OR1J2: variants seen among roughly 807,000 people sequenced by gnomAD.
OR1J2 encodes the protein olfactory receptor family 1 subfamily J member 2, also known as olfactory receptor 1J2.
For synonymous variants in OR1J2, 142 were observed against 99.7 expected, an observed-to-expected ratio of 1.42 and a Z score of -2.52; for missense variants, 304 against 246.1, an observed-to-expected ratio of 1.24 and a Z score of -1.57.
the OR1J2 span, among the ~76,000 whole-genome samples, chr9:122,529,495 A>C: frequency 6.6e-6 from 1 of 152,314 alleles, no homozygotes; most frequent in South Asian, 2.1e-4. Flanking sequence ...CCAACTGCTT[A>C]ACATCAGAAA....
At chr9:122,499,059 C>T in the OR1J2 span, among the ~76,000 whole-genome samples, 1 of 152,260 alleles carries the variant, frequency 6.6e-6, no homozygotes, top group Non-Finnish European at 1.5e-5. Flanking sequence ...GAAGCTCCCT[C>T]TTGCCTCAGG....
the OR1J2 span, among the ~76,000 whole-genome samples, chr9:122,528,921 G>T: frequency 1.3e-5 from 2 of 152,114 alleles, no homozygotes; most frequent in African/African-American, 2.4e-5. Context: ...TTCATTTTTA[G>T]AATTCTTTGT....
chr9:122,532,732 A>G, the OR1J2 span, among the ~76,000 whole-genome samples: 27 of 152,144 alleles, frequency 1.8e-4, no homozygotes, highest in Non-Finnish European at 7.4e-5. Context: ...CGCTGCACGG[A>G]GACATGATGG....
chr9:122,459,030 A>C, the OR1J2 span, among the ~76,000 whole-genome samples: 2 of 152,008 alleles, frequency 1.3e-5, no homozygotes, highest in Admixed American at 6.5e-5. Flanking sequence ...AAATTTTCAA[A>C]CTTCTCCATA....
chr9:122,549,773 A>G, the OR1J2 span, among the ~76,000 whole-genome samples: 1 of 152,162 alleles, frequency 6.6e-6, no homozygotes, highest in Non-Finnish European at 1.5e-5. Context: ...ACTTTTTAGT[A>G]TAATTTGAAG....
chr9:122,520,184 ATGACT>A, the OR1J2 span: 1 of 750,248 alleles, frequency 1.3e-6, no homozygotes, highest in Non-Finnish European at 2.1e-6. Flanking sequence ...TAACTCTCTG[ATGACT>A]TGAATTGCAT....
chr9:122,513,466 G>A (rs1828663560), downstream of OR1J2, among the ~76,000 whole-genome samples: 1 of 151,852 alleles, frequency 6.6e-6, no homozygotes, highest in African/African-American at 2.4e-5. Flanking sequence ...GTCTGGCATT[G>A]TTGCCTGTGT....
the OR1J2 span, chr9:122,477,870 G>C: frequency 1.6e-5 from 26 of 1,613,142 alleles, no homozygotes; most frequent in Admixed American, 1.3e-4. Context: ...GCTCTGGCCG[G>C]ATGGGGAGGC....
At chr9:122,527,184 A>G in the OR1J2 span, 1 of 1,614,178 alleles carries the variant, frequency 6.2e-7, no homozygotes, top group South Asian at 1.1e-5. Flanking sequence ...GTTCCCAGTC[A>G]AGGTGACAAG....
At chr9:122,504,594 G>A in the OR1J2 span, among the ~76,000 whole-genome samples, 3 of 152,252 alleles carry the variant, frequency 2.0e-5, no homozygotes, top group South Asian at 6.2e-4. Context: ...TTGCTTTCCA[G>A]TGAGAATCAT....
the OR1J2 span, among the ~76,000 whole-genome samples, chr9:122,456,214 C>T: frequency 1.7e-4 from 26 of 152,252 alleles, no homozygotes; most frequent in Middle Eastern, 3.4e-3. Context: ...GGAATAATGG[C>T]TGTAATAAGC....
the OR1J2 span, chr9:122,447,605 A>G: frequency 6.6e-6 from 1 of 151,868 alleles, no homozygotes; most frequent in Non-Finnish European, 1.5e-5. Flanking sequence ...CTGTTAATCT[A>G]TACTTTGGGA....
chr9:122,479,838 G>C, the OR1J2 span, among the ~76,000 whole-genome samples: 1,420 of 152,132 alleles, frequency 9.3e-3, 22 homozygotes, highest in African/African-American at 0.032. Context: ...TAAATTTGTT[G>C]ATCAAATAAA....
chr9:122,476,444 C>G, the OR1J2 span, among the ~76,000 whole-genome samples: 2 of 152,178 alleles, frequency 1.3e-5, no homozygotes, highest in African/African-American at 4.8e-5. Flanking sequence ...ATAACATGCT[C>G]AGAATATTTT....
At chr9:122,553,769 T>C in the OR1J2 span, 1 of 1,614,060 alleles carries the variant, frequency 6.2e-7, no homozygotes, top group Non-Finnish European at 8.5e-7. Flanking sequence ...ATCCTAGTGC[T>C]CTCCTGAAGC....
At chr9:122,448,633 G>A in the OR1J2 span, among the ~76,000 whole-genome samples, 3 of 152,132 alleles carry the variant, frequency 2.0e-5, no homozygotes, top group Admixed American at 2.0e-4. Context: ...GCGGCTTTCT[G>A]CAGTGCATTG....
At chr9:122,517,156 T>C in the OR1J2 span, among the ~76,000 whole-genome samples, 1,422 of 152,308 alleles carry the variant, frequency 9.3e-3, 21 homozygotes, top group African/African-American at 0.033. Flanking sequence ...GGATCACTTC[T>C]CCAGAACTCA....
At chr9:122,532,824 C>T in the OR1J2 span, among the ~76,000 whole-genome samples, 254 of 152,086 alleles carry the variant, frequency 1.7e-3, no homozygotes, top group African/African-American at 5.2e-3. Flanking sequence ...TAATTCTGAC[C>T]GCACTAACCA....
the OR1J2 span, among the ~76,000 whole-genome samples, chr9:122,501,489 A>C: frequency 2.0e-5 from 3 of 152,196 alleles, no homozygotes; most frequent in Non-Finnish European, 4.4e-5. Flanking sequence ...TCCTCTCCTC[A>C]AAATAACCTT....
Sources: allele counts gnomAD v4.1 joint callset (sites outside exome capture counted in the v4.1 genomes callset), GRCh38; gene constraint gnomAD v4.1.1; transcripts MANE v1.5; gene names NCBI Gene and HGNC (gene_info 2026-07-23, HGNC 2026-07-21).